COL6A5: variants seen among roughly 807,000 people sequenced by gnomAD.
The protein encoded by COL6A5 is collagen type VI alpha 5 chain.
Under a neutral mutation model 65.6 loss-of-function variants are expected in COL6A5, and 48 were observed. That is an observed-to-expected ratio of 0.73 (90% CI 0.58 to 0.93). The LOEUF (loss-of-function observed/expected upper bound fraction) is 0.93, where lower values mean the gene tolerates loss of function less well. Among genes scored for constraint, COL6A5 ranks in the 40% least tolerant of loss-of-function variants. The pLI is 0.00. For synonymous variants in COL6A5, 291 were observed against 322.8 expected (o/e 0.90, Z 1.05); for missense variants, 914 against 928.3 (o/e 0.98, Z 0.20).
Position 130,440,479 on chromosome 3 carries a change from T to C in COL6A5, c.897T>C (p.Thr299=), listed in dbSNP as rs61734775. ...TCCTAATGAAGAATCACATCCAGAC[T>C]TCCTTCCAACAGCTAAATGGAGAAG... The change falls in exon 3 of 8, where the codon ACT becomes ACC. Residue 299 remains threonine, a synonymous_variant. Coordinates refer to ENST00000512836, the Ensembl canonical transcript of COL6A5. 771 of 1,613,740 alleles carry C rather than the reference T, an allele frequency of 4.8e-4. 6 individuals are homozygous for C. The African/African-American group carries it at 8.7e-3, about 18-fold the overall frequency.
exon 4 of COL6A5, chr3:130,379,763 T>C: frequency 6.4e-7 from 1 of 1,551,084 alleles, no homozygotes; most frequent in Non-Finnish European, 8.7e-7. Context: ...GCACAAGGAG[T>C]GCCTCAGATT....
At chr3:130,428,614 T>C (rs1456181458), upstream of COL6A5, among the ~76,000 whole-genome samples, 1 of 152,232 alleles carries the variant, frequency 6.6e-6, no homozygotes, top group East Asian at 1.9e-4. Flanking sequence ...GCGGGGTTTC[T>C]GCTTCTACGA....
chr3:130,455,440 T>C lies in COL6A5; in HGVS notation c.1333-15T>C, dbSNP rs750958408. 32 of 1,564,532 alleles carry C rather than the reference T, an allele frequency of 2.0e-5. No homozygotes were observed. The South Asian group carries it at 3.6e-4, about 18-fold the overall frequency. Reference sequence around the variant, plus strand: ...AAAGTTATCTAGACTCACCTAAAGTTTTTTTTTCTTCTAGATTTGTTACTG... The same window carrying C: ...AAAGTTATCTAGACTCACCTAAAGTCTTTTTTTCTTCTAGATTTGTTACTG... On this transcript the variant is annotated splice_polypyrimidine_tract_variant and intron_variant, in intron 4 of 7. Coordinates refer to ENST00000512836, the Ensembl canonical transcript of COL6A5.
chr3:130,422,865 T>C (rs934573365), intron 28 of COL6A5, 83 bp downstream of exon 28: 1 of 883,510 alleles, frequency 1.1e-6, no homozygotes, highest in Admixed American at 3.3e-5. Context: ...ATGTGGATTA[T>C]TGATTCAACC....
intron 6 of COL6A5, among the ~76,000 whole-genome samples, chr3:130,469,929 A>T (rs1489766142): frequency 6.6e-6 from 1 of 152,010 alleles, no homozygotes; most frequent in Admixed American, 6.6e-5. Context: ...CCCCAGGGCT[A>T]TGCTGTTGTC....
In COL6A5 at chr3:130,347,748, G is replaced by GA. The variant is rs1577412728; in HGVS notation, c.-29+1767_-29+1768insA. ...TACTCAGAATCCTCCAGCTCTGAGA[G>GA]TGGAGGGCACAAATTCACTTGGAAT... On this transcript the variant is annotated intron_variant and NMD_transcript_variant, in intron 1 of 41. Transcript: ENST00000312481. Among the ~76,000 whole-genome samples the GA allele has an allele frequency of 2.6e-5, 4 of 152,310 alleles. No individual in the cohort carries two copies. The East Asian group carries it at 7.7e-4, about 29-fold the overall frequency.
intron 22 of COL6A5, 136 bp downstream of exon 22, chr3:130,414,267 G>A (rs1040659655): frequency 5.8e-6 from 4 of 693,182 alleles, no homozygotes; most frequent in African/African-American, 5.4e-5. Context: ...ATCATGGGGT[G>A]GGGGGTGATT....
chr3:130,470,877 T>G, exon 7 of COL6A5: 3 of 1,611,286 alleles, frequency 1.9e-6, no homozygotes, highest in Non-Finnish European at 2.5e-6. Flanking sequence ...CCAGGTGCCA[T>G]CAACAAATAT....
At chr3:130,360,931 G>A (rs776223225) in intron 1 of COL6A5, among the ~76,000 whole-genome samples, 4 of 151,898 alleles carry the variant, frequency 2.6e-5, no homozygotes, top group African/African-American at 7.3e-5. Flanking sequence ...AAAGTCTCTC[G>A]TGCCCAAACT....
At chr3:130,373,654 A>C (rs543004522) in exon 2 of COL6A5, 2 of 1,538,978 alleles carry the variant, frequency 1.3e-6, no homozygotes, top group East Asian at 4.9e-5. Context: ...GATCTTGCTA[A>C]TTATATTTGT....
chr3:130,397,019 C>T (rs750256035), intron 8 of COL6A5, among the ~76,000 whole-genome samples: 7 of 152,150 alleles, frequency 4.6e-5, no homozygotes, highest in Non-Finnish European at 8.8e-5. Flanking sequence ...CCCGCCACCA[C>T]ACCTGGCTAA....
intron 22 of COL6A5, 57 bp from the exon 23 acceptor site, chr3:130,415,588 T>C: frequency 1.4e-6 from 2 of 1,472,154 alleles, no homozygotes; most frequent in Non-Finnish European, 1.8e-6. Flanking sequence ...AAAGAAACAC[T>C]GAGAAGTAAG....
intron 3 of COL6A5, among the ~76,000 whole-genome samples, chr3:130,441,657 A>G (rs77949652): frequency 0.031 from 4,735 of 152,180 alleles, 95 homozygotes; most frequent in South Asian, 0.073. Context: ...ATATGGCACA[A>G]TTTGCCCCAG....
upstream of COL6A5, among the ~76,000 whole-genome samples, chr3:130,431,069 T>A (rs113421665): frequency 0.014 from 2,190 of 152,324 alleles, 55 homozygotes; most frequent in African/African-American, 0.05. Flanking sequence ...TATTCATTTT[T>A]AAATTTTACA....
At chr3:130,380,289 A>T (rs1935951274) in intron 4 of COL6A5, among the ~76,000 whole-genome samples, 1 of 152,158 alleles carries the variant, frequency 6.6e-6, no homozygotes, top group African/African-American at 2.4e-5. Flanking sequence ...ATAAAATGTA[A>T]AATATGTGTT....
At chr3:130,465,830 A>T (rs775303477) in intron 5 of COL6A5, among the ~76,000 whole-genome samples, 1 of 152,080 alleles carries the variant, frequency 6.6e-6, no homozygotes, top group Non-Finnish European at 1.5e-5. Context: ...TTAAAAAGTT[A>T]AGTGGAAACA....
At chr3:130,410,508 G>A (rs1451495352) in exon 20 of COL6A5, 2 of 1,550,874 alleles carry the variant, frequency 1.3e-6, no homozygotes, top group East Asian at 2.4e-5. Context: ...GGCAGTCCTA[G>A]TTCCAGAGGC....
chr3:130,407,112 G>T (rs1252310996), intron 17 of COL6A5, among the ~76,000 whole-genome samples: 1 of 152,216 alleles, frequency 6.6e-6, no homozygotes, highest in Admixed American at 6.5e-5. Context: ...TGGAGGAAAT[G>T]ACTTCTGAGC....
At position 130,403,567 on chromosome 3, in the gene COL6A5, G is replaced by C. The variant is rs538217927; in HGVS notation, c.4228-42G>C. The C allele has an allele frequency of 1.0e-3, 1,308 of 1,268,456 alleles. 11 individuals carry two copies. In the African/African-American group the frequency reaches 0.033, roughly 32 times the overall value. The allele number at this position is 1,268,456 out of a possible 1,614,324, so 78.6% of individuals were successfully genotyped here. On this transcript the variant is annotated intron_variant and NMD_transcript_variant, in intron 12 of 41. Coordinates refer to the COL6A5 transcript ENST00000312481. Reference sequence around the variant, plus strand: ...TGATTTCACAAGTTTGACTTTATTGGGGGGGGGTGACTAAAATGTATTGTT... The same window carrying C: ...TGATTTCACAAGTTTGACTTTATTGCGGGGGGGTGACTAAAATGTATTGTT...
Sources: gnomAD v4.1 joint callset for allele counts (sites outside exome capture counted in the v4.1 genomes callset) on GRCh38, gnomAD v4.1.1 for gene constraint, MANE v1.5 for transcripts, NCBI Gene and HGNC (gene_info 2026-07-23, HGNC 2026-07-21) for gene names.